The following IL34 variants were observed in gnomAD, a reference collection of about 807,000 sequenced individuals.
IL34 encodes the protein interleukin 34, also known as interleukin-34.
In IL34, 17 loss-of-function variants were observed where a neutral mutation model predicts 25.3. That is an observed-to-expected ratio of 0.67 (90% CI 0.46 to 1.01). The LOEUF is 1.01. Ranked by LOEUF, IL34 falls within the 50% of genes least tolerant of loss-of-function variation. The probability of loss-of-function intolerance (pLI) is 0.00; values close to 1 mark genes in which losing one functional copy is unlikely to be tolerated. For missense variants in IL34, 368 were observed against 312.9 expected (o/e 1.18, Z -1.33); for synonymous variants, 174 against 140.9 (o/e 1.23, Z -1.66).
At position 70,617,931 on chromosome 16, in the gene IL34, T is replaced by C. The variant is rs1397159332; in HGVS notation, c.-400-28617T>C. ...AAGGCCTCTACCTATCCAGTGAAAG[T>C]ATCTACCTAGACTAAGAGGTATTTT... On this transcript the variant is annotated intron_variant, in intron 1 of 6. Coordinates refer to the IL34 transcript ENST00000429149. 2.6e-5 allele frequency among the ~76,000 whole-genome samples: 4 copies of C among 152,026 alleles called. No homozygotes were observed. In the East Asian group the frequency reaches 7.7e-4, roughly 29 times the overall value.
At chr16:70,620,249 A>T (rs12933650) in intron 1 of IL34, among the ~76,000 whole-genome samples, 57,276 of 151,208 alleles carry the variant, frequency 0.38, 11,482 homozygotes, top group South Asian at 0.6. Context: ...GCCAAACAAG[A>T]CATGAACTGG....
chr16:70,634,431 G>A (rs1300360674), intron 1 of IL34, among the ~76,000 whole-genome samples: 1 of 151,992 alleles, frequency 6.6e-6, no homozygotes, highest in Non-Finnish European at 1.5e-5. Context: ...TGTAATCCCA[G>A]CACTTTGCGA....
chr16:70,660,056 A>C lies in IL34; in HGVS notation c.598A>C (p.Ser200Arg). ...TGAGGTGCCAAGTCCTCAGTCTTGC[A>C]GCCCAGAGCCCTCATTGCAGTATGC... ...DCEVPSPQSCSPEPSLQYAAT... is the reference protein window; with the variant it reads ...DCEVPSPQSCRPEPSLQYAAT... The change falls in exon 6 of 6, where the codon AGC becomes CGC. Residue 200 changes from serine to arginine, a missense_variant. Physicochemically the swap from Ser to Arg is moderately radical, Grantham distance 110. Coordinates refer to ENST00000288098, the MANE Select transcript of IL34 (RefSeq NM_001393494.1). The C allele has an allele frequency of 1.2e-6, 2 of 1,613,128 alleles. No individual in the cohort carries two copies. The highest frequency in any genetic ancestry group is 2.2e-5 in the South Asian group (2 of 91,016).
intron 1 of IL34, among the ~76,000 whole-genome samples, chr16:70,624,381 C>T (rs1242604390): frequency 1.1e-4 from 16 of 152,168 alleles, no homozygotes; most frequent in South Asian, 4.1e-4. Flanking sequence ...TTTTCTGTTA[C>T]TGTACACCTT....
At chr16:70,613,681 C>T (rs1390249057) in intron 1 of IL34, among the ~76,000 whole-genome samples, 2 of 151,990 alleles carry the variant, frequency 1.3e-5, no homozygotes, top group Admixed American at 1.3e-4. Context: ...CAAAACCAGC[C>T]TGGCCAGCAC....
At chr16:70,589,112 G>A (rs557365915) in intron 1 of IL34, among the ~76,000 whole-genome samples, 3 of 151,914 alleles carry the variant, frequency 2.0e-5, no homozygotes, top group South Asian at 2.1e-4. Flanking sequence ...CAGGAGAATC[G>A]CTTGAACCCG....
intron 1 of IL34, among the ~76,000 whole-genome samples, chr16:70,630,547 T>TCTCCC (rs998690985): frequency 6.8e-6 from 1 of 147,898 alleles, no homozygotes; most frequent in African/African-American, 2.5e-5. Context: ...CTTCCCCTCC[T>TCTCCC]CTCCCCTCCC....
intron 1 of IL34, among the ~76,000 whole-genome samples, chr16:70,649,275 T>C (rs9933834): frequency 2.0e-5 from 3 of 152,020 alleles, no homozygotes; most frequent in Non-Finnish European, 4.4e-5. Context: ...GCTCGGGGCC[T>C]TTTGCAGTCA....
chr16:70,660,107 C>A lies in IL34; in HGVS notation c.649C>A (p.Pro217Thr), dbSNP rs751216629. The change falls in exon 6 of 6, where the codon CCG becomes ACG. Residue 217 changes from proline to threonine, a missense_variant. Coordinates refer to ENST00000288098, the MANE Select transcript of IL34 (RefSeq NM_001393494.1). ...YAATQLYPPP[P>T]WSPSSPPHST... ...GGCCACCCAGCTGTACCCTCCGCCC[C>A]CGTGGTCCCCCAGCTCCCCGCCTCA... The A allele has an allele frequency of 1.2e-6, 2 of 1,613,466 alleles. No homozygotes were observed. Among genetic ancestry groups the A allele is most frequent in the South Asian group, 2.2e-5 (2 of 91,040 alleles).
At chr16:70,591,019 G>A (rs933492907) in intron 1 of IL34, among the ~76,000 whole-genome samples, 2 of 152,218 alleles carry the variant, frequency 1.3e-5, no homozygotes, top group Admixed American at 6.5e-5. Context: ...CAGCCTGCTC[G>A]GGTCTCCGGG....
At chr16:70,632,101 CAAAAA>C (rs71151199) in intron 1 of IL34, among the ~76,000 whole-genome samples, 4 of 106,734 alleles carry the variant, frequency 3.7e-5, no homozygotes, top group Non-Finnish European at 3.8e-5. Flanking sequence ...GACCCTGTCT[CAAAAA>C]AAAAAAAAAA....
rs78553534 is a variant in IL34 at position 70,657,755 on chromosome 16, A to G, written c.402+634A>G. 2.1e-3 allele frequency among the ~76,000 whole-genome samples: 327 copies of G among 152,304 alleles called. 2 individuals carry two copies. The highest frequency in any genetic ancestry group is 3.9e-3 in the Non-Finnish European group (264 of 68,018). On this transcript the variant is annotated intron_variant, in intron 4 of 5. Transcript: ENST00000288098. The stretch of plus-strand genomic sequence containing the variant: ...GCACCATTGCACTCCAGCTTGGGCA[A>G]CAAGAACGAAAAACTCCATCTCAAA...
In IL34 at chr16:70,660,166, GGGC is replaced by G; in HGVS notation, c.710_712del (p.Gly237del). 6.3e-7 allele frequency: 1 copy of G among 1,597,328 alleles called. No homozygotes were observed. ...GCTCGGTGAGGCCGGTCAGGGCACAGGGCGAGGGCCTCTTGCCCTGAGCACCCT... is the reference window on the plus strand; with the variant it reads ...GCTCGGTGAGGCCGGTCAGGGCACAGGAGGGCCTCTTGCCCTGAGCACCCT... On this transcript the variant is annotated inframe_deletion, in exon 6 of 6. Transcript: ENST00000288098.
chr16:70,657,581 G>T (rs2151885045), intron 4 of IL34, among the ~76,000 whole-genome samples: 1 of 152,222 alleles, frequency 6.6e-6, no homozygotes, highest in South Asian at 2.1e-4. Context: ...TTTGAGACCA[G>T]CCTGGCCAAA....
chr16:70,649,392 C>A (rs116723994), intron 1 of IL34, among the ~76,000 whole-genome samples: 1 of 152,152 alleles, frequency 6.6e-6, no homozygotes, highest in African/African-American at 2.4e-5. Context: ...CTATGGAAAG[C>A]GGTGGTAACT....
intron 1 of IL34, among the ~76,000 whole-genome samples, chr16:70,605,722 G>A (rs567530903): frequency 9.4e-4 from 143 of 151,958 alleles, no homozygotes; most frequent in Non-Finnish European, 1.7e-3. Context: ...CCAGACCGGA[G>A]TGCAGCAGCG....
intron 1 of IL34, among the ~76,000 whole-genome samples, chr16:70,652,494 T>C (rs371292779): frequency 6.6e-6 from 1 of 152,182 alleles, no homozygotes; most frequent in East Asian, 1.9e-4. Flanking sequence ...CCATAGAGAT[T>C]TGGTAGTCAT....
At chr16:70,634,059 C>T (rs1405332584) in intron 1 of IL34, among the ~76,000 whole-genome samples, 1 of 151,976 alleles carries the variant, frequency 6.6e-6, no homozygotes, top group Non-Finnish European at 1.5e-5. Context: ...CCATGTTGGC[C>T]AGGCTAGTCT....
At chr16:70,630,184 T>G (rs2051486750) in intron 1 of IL34, among the ~76,000 whole-genome samples, 1 of 152,240 alleles carries the variant, frequency 6.6e-6, no homozygotes, top group South Asian at 2.1e-4. Flanking sequence ...ATCTCATTCT[T>G]TTAATGGCTG....
Sources: gnomAD v4.1 joint callset for allele counts (sites outside exome capture counted in the v4.1 genomes callset) on GRCh38, gnomAD v4.1.1 for gene constraint, MANE v1.5 for transcripts, NCBI Gene and HGNC (gene_info 2026-07-23, HGNC 2026-07-21) for gene names.